The following RAB38 variants were observed in gnomAD, a reference collection of about 807,000 sequenced individuals.
RAB38 encodes the protein RAB38, member RAS oncogene family.
RAB38 carries 15 observed loss-of-function variants against 18.4 expected under a neutral mutation model. The ratio of observed to expected loss-of-function variants is 0.82; its 90% CI spans 0.55 to 1.26. RAB38 has a LOEUF of 1.26. RAB38 is among the 50% of genes most tolerant of loss of function. The probability of loss-of-function intolerance (pLI) is 0.00; values close to 1 mark genes in which losing one functional copy is unlikely to be tolerated. For missense variants in RAB38, 294 were observed against 267.4 expected (o/e 1.10, Z -0.69); for synonymous variants, 101 against 104.4 (o/e 0.97, Z 0.20).
chr11:87,852,389 T>G, the RAB38 span, among the ~76,000 whole-genome samples: 1 of 152,212 alleles, frequency 6.6e-6, no homozygotes, highest in Non-Finnish European at 1.5e-5. Context: ...TTCATTGTTC[T>G]TCCCGCTTCA....
At chr11:88,135,509 C>A (rs913527068) in intron 2 of RAB38, among the ~76,000 whole-genome samples, 26 of 152,322 alleles carry the variant, frequency 1.7e-4, no homozygotes, top group African/African-American at 6.0e-4. Flanking sequence ...TCTTGTGTTT[C>A]CATGCAAATG....
At chr11:87,868,223 A>G in the RAB38 span, among the ~76,000 whole-genome samples, 1 of 151,550 alleles carries the variant, frequency 6.6e-6, no homozygotes, top group Non-Finnish European at 1.5e-5. Flanking sequence ...GTAGTGAGTG[A>G]GTTCTCATTC....
the RAB38 span, among the ~76,000 whole-genome samples, chr11:87,954,468 TAGAAAA>T: frequency 1.3e-5 from 2 of 152,146 alleles, no homozygotes; most frequent in African/African-American, 2.4e-5. Flanking sequence ...CACAGAAAGA[TAGAAAA>T]AGAAAGATTT....
At chr11:88,135,213 C>T (rs1227564163) in intron 2 of RAB38, among the ~76,000 whole-genome samples, 3 of 152,160 alleles carry the variant, frequency 2.0e-5, no homozygotes, top group African/African-American at 7.2e-5. Context: ...ACATATGCCA[C>T]GCAAGCTCCC....
rs781529541 is a variant in RAB38 at position 88,175,423 on chromosome 11, AGCGCAGCCTGGGCTCT to A, written c.-55_-40del. 6.3e-7 allele frequency: 1 copy of A among 1,579,008 alleles called. No homozygotes were observed. The highest frequency in any genetic ancestry group is 1.4e-5 in the African/African-American group (1 of 73,766). ...CAGACGTGCCGTGCCTGACCAGGGA[AGCGCAGCCTGGGCTCT>A]GCGCACGAGAGAGACTTGGGGAGCG... On this transcript the variant is annotated 5_prime_UTR_variant, in exon 1 of 3. Transcript: ENST00000243662.
the RAB38 span, among the ~76,000 whole-genome samples, chr11:88,034,935 G>T: frequency 6.6e-6 from 1 of 152,146 alleles, no homozygotes; most frequent in African/African-American, 2.4e-5. Flanking sequence ...TTTCAAAGTG[G>T]TTGCACCAAC....
the RAB38 span, among the ~76,000 whole-genome samples, chr11:87,908,338 TTAAGA>T: frequency 6.6e-6 from 1 of 152,032 alleles, no homozygotes. Flanking sequence ...GGGTTTGTAC[TTAAGA>T]TAATGTTATC....
the RAB38 span, among the ~76,000 whole-genome samples, chr11:87,943,061 G>C: frequency 6.6e-6 from 1 of 152,026 alleles, no homozygotes; most frequent in Non-Finnish European, 1.5e-5. Flanking sequence ...AATGAATGAA[G>C]TGAAAAAGTC....
At chr11:88,153,268 C>G (rs1390515812) in intron 1 of RAB38, among the ~76,000 whole-genome samples, 3 of 152,196 alleles carry the variant, frequency 2.0e-5, no homozygotes, top group African/African-American at 7.2e-5. Flanking sequence ...TAGATTAAAT[C>G]AAACTTTGGC....
the RAB38 span, among the ~76,000 whole-genome samples, chr11:88,029,670 G>C: frequency 6.6e-6 from 1 of 152,220 alleles, no homozygotes; most frequent in Non-Finnish European, 1.5e-5. Flanking sequence ...AATTCAACAA[G>C]AAGAGGTAAC....
At chr11:88,078,182 T>C in the RAB38 span, among the ~76,000 whole-genome samples, 2 of 151,980 alleles carry the variant, frequency 1.3e-5, no homozygotes, top group South Asian at 4.1e-4. Context: ...TGCAAGGATG[T>C]AGAGAAAAAG....
At chr11:87,804,013 A>G in the RAB38 span, among the ~76,000 whole-genome samples, 1 of 152,206 alleles carries the variant, frequency 6.6e-6, no homozygotes, top group Non-Finnish European at 1.5e-5. Context: ...TGCATATGCC[A>G]GGTCTGAATT....
At chr11:88,163,836 AT>A (rs1243250806) in intron 1 of RAB38, among the ~76,000 whole-genome samples, 2 of 152,222 alleles carry the variant, frequency 1.3e-5, no homozygotes, top group East Asian at 1.9e-4. Context: ...AGCCCAACAG[AT>A]TTTTTGTCAG....
At chr11:88,030,099 G>A in the RAB38 span, among the ~76,000 whole-genome samples, 2 of 152,004 alleles carry the variant, frequency 1.3e-5, no homozygotes, top group African/African-American at 4.8e-5. Context: ...TCAACTACAT[G>A]GAAACTGAAC....
the RAB38 span, among the ~76,000 whole-genome samples, chr11:87,846,721 C>T: frequency 1.3e-5 from 2 of 152,130 alleles, no homozygotes; most frequent in East Asian, 3.9e-4. Flanking sequence ...AGCAGTCTAT[C>T]TAATGACTGA....
the RAB38 span, among the ~76,000 whole-genome samples, chr11:87,971,602 C>T: frequency 6.6e-6 from 1 of 152,010 alleles, no homozygotes; most frequent in Non-Finnish European, 1.5e-5. Context: ...TGTTTAAGGC[C>T]ATTGGACGCT....
At chr11:88,119,944 A>G (rs1474746560) in intron 2 of RAB38, among the ~76,000 whole-genome samples, 2 of 152,228 alleles carry the variant, frequency 1.3e-5, no homozygotes, top group African/African-American at 4.8e-5. Context: ...GCACTTGTTT[A>G]TTGAGCACAT....
At chr11:87,809,611 T>G in the RAB38 span, among the ~76,000 whole-genome samples, 1 of 152,146 alleles carries the variant, frequency 6.6e-6, no homozygotes, top group Non-Finnish European at 1.5e-5. Context: ...TCTTTCCATT[T>G]CCTGAATCTC....
At chr11:87,824,148 G>A in the RAB38 span, among the ~76,000 whole-genome samples, 1 of 152,174 alleles carries the variant, frequency 6.6e-6, no homozygotes, top group Non-Finnish European at 1.5e-5. Flanking sequence ...TGGGAGGGAT[G>A]TTTATAACTG....
Sources: gnomAD v4.1 joint callset for allele counts (sites outside exome capture counted in the v4.1 genomes callset) on GRCh38, gnomAD v4.1.1 for gene constraint, MANE v1.5 for transcripts, NCBI Gene and HGNC (gene_info 2026-07-23, HGNC 2026-07-21) for gene names.